IQCJ: variants seen among roughly 807,000 people sequenced by gnomAD.
IQCJ encodes IQ motif containing J.
A neutral mutation model predicts 11.0 loss-of-function variants in IQCJ; 9 were observed. The observed-to-expected ratio is 0.82, with a 90% CI of 0.49 to 1.43. IQCJ has a LOEUF of 1.43. IQCJ is among the 40% of genes most tolerant of loss of function. IQCJ has a pLI of 0.00. For synonymous variants in IQCJ, 55 were observed against 51.3 expected, an observed-to-expected ratio of 1.07 and a Z score of -0.31; for missense variants, 146 against 133.2, an observed-to-expected ratio of 1.10 and a Z score of -0.47.
intron 1 of IQCJ, among the ~76,000 whole-genome samples, chr3:159,114,343 C>CTTTTTTTTTTTTTT: frequency 7.1e-6 from 1 of 141,614 alleles, no homozygotes; most frequent in Non-Finnish European, 1.5e-5. Context: ...CGTAGTCTTG[C>CTTTTTTTTTTTTTT]TATGTTGCCC....
Position 159,263,636 on chromosome 3 carries a change from T to C in IQCJ, c.*905T>C, listed in dbSNP as rs1728341441. 3.0e-6 allele frequency: 3 copies of C among 985,234 alleles called. No homozygotes were observed. The South Asian group carries it at 1.4e-4, about 46-fold the overall frequency. The allele number at this position is 985,234 out of a possible 1,614,324, so 61.0% of individuals were successfully genotyped here. ...TTACTTTTGGTTATCATGTTTATTCTGTGGTAAAAAGGTTTCCCAACACTC... is the reference window on the plus strand; with the variant it reads ...TTACTTTTGGTTATCATGTTTATTCCGTGGTAAAAAGGTTTCCCAACACTC... On this transcript the variant is annotated 3_prime_UTR_variant, in exon 4 of 4. Transcript: ENST00000397832.
intron 1 of IQCJ, among the ~76,000 whole-genome samples, chr3:159,136,495 A>C (rs1228759388): frequency 6.6e-6 from 1 of 152,218 alleles, no homozygotes; most frequent in Non-Finnish European, 1.5e-5. Context: ...GTCTTAGTTC[A>C]TTTGGGCTGC....
At chr3:159,146,737 A>G (rs1720946647) in intron 1 of IQCJ, among the ~76,000 whole-genome samples, 1 of 152,212 alleles carries the variant, frequency 6.6e-6, no homozygotes, top group South Asian at 2.1e-4. Flanking sequence ...TATATTTTCA[A>G]ATATGTAAAT....
chr3:159,221,938 A>G (rs577591690), intron 1 of IQCJ, among the ~76,000 whole-genome samples: 1 of 152,286 alleles, frequency 6.6e-6, no homozygotes, highest in East Asian at 1.9e-4. Flanking sequence ...AAAGAAAAAA[A>G]TCTTAAACTA....
intron 1 of IQCJ, among the ~76,000 whole-genome samples, chr3:159,110,577 A>C (rs995375784): frequency 2.0e-5 from 3 of 152,024 alleles, no homozygotes; most frequent in Non-Finnish European, 2.9e-5. Context: ...GTGGCCTTAC[A>C]CGCCCTGCCA....
intron 1 of IQCJ, among the ~76,000 whole-genome samples, chr3:159,079,704 T>C (rs1716180607): frequency 6.6e-6 from 1 of 152,108 alleles, no homozygotes. Flanking sequence ...TGTACATCTT[T>C]CCATGTCAAT....
intron 2 of IQCJ, among the ~76,000 whole-genome samples, chr3:159,250,993 C>A (rs1727565083): frequency 6.6e-6 from 1 of 152,194 alleles, no homozygotes. Context: ...TCCTGCCACA[C>A]AAGAGACATT....
At chr3:159,081,951 A>G (rs1276309854) in intron 1 of IQCJ, among the ~76,000 whole-genome samples, 1 of 152,274 alleles carries the variant, frequency 6.6e-6, no homozygotes, top group African/African-American at 2.4e-5. Flanking sequence ...AAACAAAACA[A>G]AAATTGAAGT....
intron 1 of IQCJ, among the ~76,000 whole-genome samples, chr3:159,132,924 C>CTTTCTTTCTTTGCTTTCT (rs1319964403): frequency 9.1e-5 from 12 of 132,044 alleles, no homozygotes; most frequent in Non-Finnish European, 2.1e-4. Context: ...TTCTTGCTTG[C>CTTTCTTTCTTTGCTTTCT]TTTCTTTCTT....
At chr3:159,089,326 G>C (rs981151498) in intron 1 of IQCJ, among the ~76,000 whole-genome samples, 1 of 152,166 alleles carries the variant, frequency 6.6e-6, no homozygotes, top group Non-Finnish European at 1.5e-5. Context: ...AGGATAACCT[G>C]ACCTTTCTTT....
chr3:159,133,904 A>G (rs1720139849), intron 1 of IQCJ, among the ~76,000 whole-genome samples: 1 of 151,682 alleles, frequency 6.6e-6, no homozygotes, highest in Non-Finnish European at 1.5e-5. Context: ...CTCTGCTTAA[A>G]TGGGTCTTCT....
At position 159,172,328 on chromosome 3, in the gene IQCJ, A is replaced by G. The variant is rs79452448; in HGVS notation, c.10-73515A>G. On this transcript the variant is annotated intron_variant, in intron 1 of 3. Transcript: ENST00000397832. Reference sequence around the variant, plus strand: ...TTAAATCTGAATAAAAAATGTATAAATGTTGTGACTTACAACCATGAAAAA... The same window carrying G: ...TTAAATCTGAATAAAAAATGTATAAGTGTTGTGACTTACAACCATGAAAAA... Among the ~76,000 whole-genome samples, 143 of 152,306 alleles carry G rather than the reference A, an allele frequency of 9.4e-4. 3 individuals are homozygous for G. In the East Asian group the frequency reaches 0.026, roughly 28 times the overall value.
chr3:159,088,209 T>C (rs1716945873), intron 1 of IQCJ, among the ~76,000 whole-genome samples: 1 of 151,860 alleles, frequency 6.6e-6, no homozygotes, highest in Non-Finnish European at 1.5e-5. Flanking sequence ...GTTGTTCAGT[T>C]TCCATGTAGT....
At chr3:159,210,637 C>T (rs1395880851) in intron 1 of IQCJ, among the ~76,000 whole-genome samples, 1 of 152,150 alleles carries the variant, frequency 6.6e-6, no homozygotes. Flanking sequence ...AGTTGTATCA[C>T]TCTATGCAAC....
intron 3 of IQCJ, among the ~76,000 whole-genome samples, chr3:159,259,923 G>A (rs927079351): frequency 1.3e-5 from 2 of 152,046 alleles, no homozygotes; most frequent in Non-Finnish European, 2.9e-5. Context: ...GTAATAAATT[G>A]TTTTCACATA....
At chr3:159,151,811 A>G (rs1349260473) in intron 1 of IQCJ, among the ~76,000 whole-genome samples, 1 of 152,058 alleles carries the variant, frequency 6.6e-6, no homozygotes, top group Non-Finnish European at 1.5e-5. Flanking sequence ...AATTTTTTGT[A>G]TTTTTAGTAG....
chr3:159,090,196 G>A (rs953681931), intron 1 of IQCJ, among the ~76,000 whole-genome samples: 1 of 151,662 alleles, frequency 6.6e-6, no homozygotes, highest in Non-Finnish European at 1.5e-5. Flanking sequence ...GTGTCAGTCT[G>A]CCCCTGCTGT....
intron 1 of IQCJ, among the ~76,000 whole-genome samples, chr3:159,091,096 T>C (rs1223108396): frequency 6.7e-6 from 1 of 148,820 alleles, no homozygotes. Flanking sequence ...CTTAGGGCCT[T>C]TTTTTTTAAG....
chr3:159,207,093 C>T (rs556489587), intron 1 of IQCJ, among the ~76,000 whole-genome samples: 9 of 152,228 alleles, frequency 5.9e-5, no homozygotes, highest in African/African-American at 2.2e-4. Flanking sequence ...TACTCAGTAG[C>T]CAATATCCAA....
Sources: gnomAD v4.1 joint callset for allele counts (sites outside exome capture counted in the v4.1 genomes callset) on GRCh38, gnomAD v4.1.1 for gene constraint, MANE v1.5 for transcripts, NCBI Gene and HGNC (gene_info 2026-07-23, HGNC 2026-07-21) for gene names.